Variants in TTC38 observed in about 807,000 individuals in gnomAD.
TTC38 encodes tetratricopeptide repeat domain 38.
A neutral mutation model predicts 64.2 loss-of-function variants in TTC38; 64 were observed. The ratio of observed to expected loss-of-function variants is 1.00; its 90% CI spans 0.81 to 1.23. The LOEUF (loss-of-function observed/expected upper bound fraction) is 1.23. TTC38 is among the 50% of genes most tolerant of loss of function. TTC38 has a pLI of 0.00. For missense variants in TTC38, 573 were observed against 615.5 expected, an observed-to-expected ratio of 0.93 and a Z score of 0.73; for synonymous variants, 254 against 249.3, an observed-to-expected ratio of 1.02 and a Z score of -0.18.
intron 8 of TTC38, among the ~76,000 whole-genome samples, chr22:46,284,799 G>A (rs28528366): frequency 0.072 from 10,702 of 148,644 alleles, 528 homozygotes; most frequent in Non-Finnish European, 0.11. Flanking sequence ...AACCTGGGAC[G>A]CGGAGGTTAC....
rs1487897117 is a variant in TTC38 at position 46,268,594 on chromosome 22, A to T, written c.111+3A>T. On this transcript the variant is annotated splice_donor_region_variant and intron_variant, in intron 2 of 13. Coordinates refer to ENST00000381031, the MANE Select transcript of TTC38 (RefSeq NM_017931.4). ...TGTTCGATGCCACGCTGACCCAGGTATGCCTGCCGAGAGAGGCCGCGGCCC... is the reference window on the plus strand; with the variant it reads ...TGTTCGATGCCACGCTGACCCAGGTTTGCCTGCCGAGAGAGGCCGCGGCCC... 6.2e-7 allele frequency: 1 copy of T among 1,613,688 alleles called. No individual in the cohort carries two copies. Among genetic ancestry groups the T allele is most frequent in the African/African-American group, 1.3e-5 (1 of 74,936 alleles).
Position 46,278,215 on chromosome 22 carries a change from C to G in TTC38, c.540-371C>G, listed in dbSNP as rs376051624. Among the ~76,000 whole-genome samples the G allele has an allele frequency of 2.0e-5, 3 of 152,332 alleles. No individual in the cohort carries two copies. In the East Asian group the frequency reaches 5.8e-4, roughly 29 times the overall value. The stretch of plus-strand genomic sequence containing the variant: ...CCAAGAGTCCCATCTAAGGTGTCAG[C>G]AAGGGCAGTGCCCTCAGAGCCTCAG... On this transcript the variant is annotated intron_variant, in intron 5 of 13. Transcript: ENST00000381031.
intron 1 of TTC38, 44 bp downstream of exon 1, chr22:46,268,116 G>C (rs1398272147): frequency 5.3e-6 from 8 of 1,523,058 alleles, no homozygotes; most frequent in Non-Finnish European, 7.0e-6. Flanking sequence ...CGGGCCCCGG[G>C]TCCTGGGGGT....
At chr22:46,289,234 A>G (rs11703848) in intron 11 of TTC38, among the ~76,000 whole-genome samples, 168 bp from the exon 12 acceptor site, 10,908 of 151,944 alleles carry the variant, frequency 0.072, 534 homozygotes, top group Non-Finnish European at 0.11. Context: ...TGAGCTCAGT[A>G]CCCTGTCCTG....
rs1936932665 is a variant in TTC38, at chr22:46,273,151, GC to G, written c.193+737del. Reference sequence around the variant, plus strand: ...GGGGAGCCAAACCCAGTCATGGGGAGCCAGGAGCCAGGGGTGGGCTCGGACT... The same window carrying G: ...GGGGAGCCAAACCCAGTCATGGGGAGCAGGAGCCAGGGGTGGGCTCGGACT... On this transcript the variant is annotated intron_variant, in intron 3 of 13. Transcript: ENST00000381031. The surrounding 1 kb of genome is among the most constrained non-coding windows in gnomAD (Gnocchi z 5.1). 6.6e-6 allele frequency among the ~76,000 whole-genome samples: 1 copy of G among 152,228 alleles called. No individual in the cohort carries two copies. Among genetic ancestry groups the G allele is most frequent in the Non-Finnish European group, 1.5e-5 (1 of 68,036 alleles).
At position 46,275,731 on chromosome 22, in the gene TTC38, A is replaced by G. The variant is rs1031038455; in HGVS notation, c.539+310A>G. Among the ~76,000 whole-genome samples the G allele has an allele frequency of 6.6e-4, 101 of 152,360 alleles. No homozygotes were observed. Among genetic ancestry groups the G allele is most frequent in the Non-Finnish European group, 1.6e-4 (11 of 68,042 alleles). On this transcript the variant is annotated intron_variant, in intron 5 of 13. Transcript: ENST00000381031. The surrounding 1 kb of genome is among the most constrained non-coding windows in gnomAD (Gnocchi z 4.5). ...TTCACTCATACTACGTGGCTACCTT[A>G]GAAGGGCTGAGGGCTCTGCCACCAT...
intron 6 of TTC38, among the ~76,000 whole-genome samples, chr22:46,279,079 T>A (rs1462000403): frequency 6.6e-6 from 1 of 152,220 alleles, no homozygotes; most frequent in African/African-American, 2.4e-5. Context: ...TCTTCCTTCC[T>A]GAACTTCGCA....
chr22:46,280,601 C>T (rs577389444), intron 6 of TTC38, among the ~76,000 whole-genome samples: 53 of 152,358 alleles, frequency 3.5e-4, no homozygotes, highest in African/African-American at 1.2e-3. Context: ...GGGGTGCCCA[C>T]GGTCCCCTAC....
chr22:46,283,922 C>A, intron 7 of TTC38, 51 bp from the exon 8 acceptor site: 2 of 1,196,796 alleles, frequency 1.7e-6, no homozygotes, highest in South Asian at 1.3e-5. Context: ...TTGTTTTTTT[C>A]CCATAGGCCT....
intron 6 of TTC38, chr22:46,280,060 G>A (rs375412827): frequency 8.6e-6 from 4 of 467,246 alleles, no homozygotes. Context: ...CCTGTCCCTT[G>A]TGTTGCAGGC....
At chr22:46,277,718 G>T (rs372900342) in intron 5 of TTC38, among the ~76,000 whole-genome samples, 1 of 152,230 alleles carries the variant, frequency 6.6e-6, no homozygotes, top group African/African-American at 2.4e-5. Context: ...GGACAGACAG[G>T]TCCCAGCCTG....
rs1239709089 is a variant in TTC38 at position 46,290,475 on chromosome 22, T to TGGTGG, written c.1316+578_1316+579insTGGGG. On this transcript the variant is annotated intron_variant, in intron 13 of 13. Transcript: ENST00000381031. ...GCCAGGCATGGGGCTGGTAGGAGGGTGGCGTGGCTGGAGGGTGAGTGTTAG... is the reference window on the plus strand; with the variant it reads ...GCCAGGCATGGGGCTGGTAGGAGGGTGGTGGGGCGTGGCTGGAGGGTGAGTGTTAG... Among the ~76,000 whole-genome samples the TGGTGG allele has an allele frequency of 2.2e-3, 325 of 149,740 alleles. 25 individuals carry two copies. The highest frequency in any genetic ancestry group is 3.5e-3 in the Middle Eastern group (1 of 284).
chr22:46,279,356 C>A (rs1440863602), intron 6 of TTC38, among the ~76,000 whole-genome samples: 1 of 152,216 alleles, frequency 6.6e-6, no homozygotes, highest in Non-Finnish European at 1.5e-5. Flanking sequence ...TGTGGCACTT[C>A]ATGTGTGTCT....
intron 8 of TTC38, 51 bp downstream of exon 8, chr22:46,284,083 G>C: frequency 6.7e-7 from 1 of 1,484,222 alleles, no homozygotes; most frequent in Non-Finnish European, 9.2e-7. Flanking sequence ...ATGTCTAGAG[G>C]GAGAAAGATT....
intron 1 of TTC38, among the ~76,000 whole-genome samples, 157 bp downstream of exon 1, chr22:46,268,229 G>A (rs1400956925): frequency 2.6e-5 from 4 of 152,238 alleles, no homozygotes; most frequent in Non-Finnish European, 4.4e-5. Flanking sequence ...GAAGGGACCC[G>A]AGGCCCTTCT....
chr22:46,278,299 C>T (rs1338348519), intron 5 of TTC38, among the ~76,000 whole-genome samples: 1 of 152,136 alleles, frequency 6.6e-6, no homozygotes, highest in Non-Finnish European at 1.5e-5. Flanking sequence ...CTTGAAGTCC[C>T]TTGGCTCGCA....
At position 46,292,520 on chromosome 22, in the gene TTC38, C is replaced by G. The variant is rs563673031; in HGVS notation, c.1317-271C>G. 6.6e-6 allele frequency among the ~76,000 whole-genome samples: 1 copy of G among 152,358 alleles called. No individual in the cohort carries two copies. Among genetic ancestry groups the G allele is most frequent in the Admixed American group, 6.5e-5 (1 of 15,302 alleles). On this transcript the variant is annotated intron_variant, in intron 13 of 13. Transcript: ENST00000381031. This position sits in a 1 kb window ranked among gnomAD's most constrained non-coding sequence, Gnocchi z 6.5. ...GCAGGGTCTTTACCTCAAACCGTAC[C>G]TGGGTCTTCTCTCTTCAAACCTGGG...
intron 9 of TTC38, 113 bp downstream of exon 9, chr22:46,285,392 C>A: frequency 9.5e-7 from 1 of 1,051,086 alleles, no homozygotes; most frequent in Non-Finnish European, 1.5e-6. Context: ...ACAGCTGGAG[C>A]AAGAACACAT....
At chr22:46,289,778 C>G (rs1339330988) in intron 12 of TTC38, 48 bp from the exon 13 acceptor site, 1 of 1,599,090 alleles carries the variant, frequency 6.3e-7, no homozygotes, top group Non-Finnish European at 8.6e-7. Flanking sequence ...GGGCTCGCCT[C>G]CCCCATCCTG....
Sources: allele counts gnomAD v4.1 joint callset (sites outside exome capture counted in the v4.1 genomes callset), GRCh38; gene constraint gnomAD v4.1.1; non-coding constraint Gnocchi (gnomAD v3.1); transcripts MANE v1.5; gene names NCBI Gene and HGNC (gene_info 2026-07-23, HGNC 2026-07-21).